The following FLI1 variants were observed in gnomAD, a reference collection of about 807,000 sequenced individuals.
FLI1 encodes Fli-1 proto-oncogene, ETS transcription factor.
In FLI1, 13 loss-of-function variants were observed where a neutral mutation model predicts 53.1. The observed-to-expected ratio is 0.24, with a 90% CI of 0.16 to 0.39. The LOEUF (loss-of-function observed/expected upper bound fraction) is 0.39. Ranked by LOEUF, FLI1 falls within the 10% of genes least tolerant of loss-of-function variation. The pLI is 1.00. For missense variants in FLI1, 424 were observed against 600.5 expected (o/e 0.71, Z 3.07); for synonymous variants, 244 against 236.7 (o/e 1.03, Z -0.28).
At chr11:128,731,768 G>A (rs1232921484) in intron 1 of FLI1, among the ~76,000 whole-genome samples, 9 of 152,206 alleles carry the variant, frequency 5.9e-5, no homozygotes, top group Non-Finnish European at 1.2e-4. Flanking sequence ...TTTGGGAGGC[G>A]GAGGCGGGCA....
chr11:128,731,946 T>C (rs1486047640), intron 1 of FLI1, among the ~76,000 whole-genome samples: 5 of 151,072 alleles, frequency 3.3e-5, no homozygotes, highest in Admixed American at 3.3e-4. Context: ...GAGGTTGCAG[T>C]GAGCCGAGAT....
chr11:128,692,529 T>G (rs1447029974), upstream of FLI1: 8 of 150,914 alleles, frequency 5.3e-5, no homozygotes, highest in Non-Finnish European at 1.2e-4. Context: ...GACCCGTGTC[T>G]GTATTCGAAC....
intron 3 of FLI1, among the ~76,000 whole-genome samples, chr11:128,770,049 G>A (rs1035768862): frequency 6.6e-6 from 1 of 152,216 alleles, no homozygotes; most frequent in Non-Finnish European, 1.5e-5. Context: ...ATCTGAGATT[G>A]TCTTTGAACC....
chr11:128,697,759 A>T (rs1305907561), intron 1 of FLI1, among the ~76,000 whole-genome samples: 2 of 152,246 alleles, frequency 1.3e-5, no homozygotes, highest in Non-Finnish European at 2.9e-5. Flanking sequence ...ATATTTCATT[A>T]ATTCAACAAA....
At chr11:128,773,478 C>T (rs1941636939) in intron 4 of FLI1, among the ~76,000 whole-genome samples, 1 of 151,850 alleles carries the variant, frequency 6.6e-6, no homozygotes, top group South Asian at 2.1e-4. Flanking sequence ...GCTATCTGCA[C>T]ACTTCCTTGA....
At chr11:128,703,006 C>G (rs914874236) in intron 1 of FLI1, among the ~76,000 whole-genome samples, 49 of 152,048 alleles carry the variant, frequency 3.2e-4, no homozygotes, top group African/African-American at 1.2e-3. Flanking sequence ...AAAAGACACA[C>G]CACTTAACAG....
intron 1 of FLI1, among the ~76,000 whole-genome samples, chr11:128,740,829 C>T (rs1174417458): frequency 6.6e-6 from 1 of 152,148 alleles, no homozygotes; most frequent in Admixed American, 6.5e-5. Context: ...TAGGTGGTTG[C>T]TTAGATGATG....
chr11:128,706,038 G>T (rs1938533043), intron 1 of FLI1, among the ~76,000 whole-genome samples: 1 of 152,096 alleles, frequency 6.6e-6, no homozygotes, highest in South Asian at 2.1e-4. Context: ...GCCATTTTCA[G>T]TGCACAAGCA....
At chr11:128,777,867 A>G (rs1242047689) in intron 4 of FLI1, among the ~76,000 whole-genome samples, 1 of 152,198 alleles carries the variant, frequency 6.6e-6, no homozygotes, top group African/African-American at 2.4e-5. Context: ...TCCCCGATGA[A>G]AAGCAGGTTA....
At chr11:128,723,150 T>C (rs1939326414) in intron 1 of FLI1, among the ~76,000 whole-genome samples, 1 of 152,174 alleles carries the variant, frequency 6.6e-6, no homozygotes, top group African/African-American at 2.4e-5. Flanking sequence ...TCCCACCTCC[T>C]ATACCATCAC....
intron 1 of FLI1, among the ~76,000 whole-genome samples, chr11:128,725,239 C>T (rs1465659297): frequency 6.6e-6 from 1 of 152,202 alleles, no homozygotes; most frequent in Non-Finnish European, 1.5e-5. Context: ...TTAGGTGAGC[C>T]TGAAGGTGAT....
intron 1 of FLI1, among the ~76,000 whole-genome samples, chr11:128,730,876 C>A (rs1764535411): frequency 6.6e-6 from 1 of 152,216 alleles, no homozygotes; most frequent in South Asian, 2.1e-4. Flanking sequence ...CTTTCTTAGC[C>A]TTTGCTGAAT....
At position 128,810,758 on chromosome 11, in the gene FLI1, T is replaced by C; in HGVS notation, c.1129T>C (p.Ser377Pro). Residue 377 changes from serine (S) to proline (P), a missense_variant, in exon 9 of 9, where the codon TCC becomes CCC. By Grantham distance (74) the Ser-to-Pro change is moderately conservative. This residue lies in a region of FLI1 where 87 missense variants were observed against 100.0 expected (regional missense o/e 0.87). Coordinates refer to ENST00000527786, the MANE Select transcript of FLI1 (RefSeq NM_002017.5). This position sits in a 1 kb window ranked among gnomAD's most constrained non-coding sequence, Gnocchi z 6.6. ...QALQPHPTES[S>P]MYKYPSDISY... ...TCTGCAGCCACATCCGACCGAGTCG[T>C]CCATGTACAAGTACCCTTCTGACAT... The C allele has an allele frequency of 6.2e-7, 1 of 1,614,064 alleles. No homozygotes were observed.
intron 1 of FLI1, among the ~76,000 whole-genome samples, chr11:128,697,733 A>C (rs774073499): frequency 2.0e-5 from 3 of 152,248 alleles, no homozygotes; most frequent in Non-Finnish European, 4.4e-5. Flanking sequence ...ACACAGGTCC[A>C]AATTTACCAT....
chr11:128,699,822 G>A (rs1282177734), intron 1 of FLI1, among the ~76,000 whole-genome samples: 1 of 152,170 alleles, frequency 6.6e-6, no homozygotes, highest in East Asian at 1.9e-4. Flanking sequence ...ACAAAATTTA[G>A]GTAATCTATG....
chr11:128,772,429 G>A (rs1941596183), intron 3 of FLI1, among the ~76,000 whole-genome samples: 1 of 152,122 alleles, frequency 6.6e-6, no homozygotes, highest in Admixed American at 6.5e-5. Flanking sequence ...AAATACAGAT[G>A]GTTCCCGTTT....
At chr11:128,798,122 T>C (rs1425919532) in intron 5 of FLI1, among the ~76,000 whole-genome samples, 2 of 152,232 alleles carry the variant, frequency 1.3e-5, no homozygotes, top group East Asian at 1.9e-4. Flanking sequence ...TGAACTGTTA[T>C]GTTTTCTTCT....
rs141733755 is a variant in FLI1, at chr11:128,775,635, T to C, written c.589+2650T>C. Among the ~76,000 whole-genome samples the C allele has an allele frequency of 2.8e-3, 430 of 152,356 alleles. 1 individual carries two copies. Among genetic ancestry groups the C allele is most frequent in the African/African-American group, 9.9e-3 (411 of 41,576 alleles). On this transcript the variant is annotated intron_variant, in intron 4 of 8. Transcript: ENST00000527786. ...GTGACAACCAGCACTTTAAACGCTT[T>C]TAAAGCCTTCAAACACTTTATTGTT...
intron 4 of FLI1, among the ~76,000 whole-genome samples, chr11:128,780,001 A>T (rs141315021): frequency 1.9e-4 from 29 of 152,362 alleles, no homozygotes; most frequent in African/African-American, 6.3e-4. Flanking sequence ...TAAAAGATAC[A>T]GTAAAAATAC....
Sources: gnomAD v4.1 joint callset for allele counts (sites outside exome capture counted in the v4.1 genomes callset) on GRCh38, gnomAD v4.1.1 for gene constraint, gnomAD v4.1.1 regional missense constraint, Gnocchi (gnomAD v3.1) non-coding constraint, MANE v1.5 for transcripts, NCBI Gene and HGNC (gene_info 2026-07-23, HGNC 2026-07-21) for gene names.